DENND5B: variants seen among roughly 807,000 people sequenced by gnomAD.
DENND5B encodes the protein DENN domain-containing protein 5B.
A neutral mutation model predicts 140.6 loss-of-function variants in DENND5B; 34 were observed. That is an observed-to-expected ratio of 0.24 (90% CI 0.18 to 0.32). The LOEUF (loss-of-function observed/expected upper bound fraction) is 0.32. Among genes scored for constraint, DENND5B ranks in the 10% least tolerant of loss-of-function variants. The probability of loss-of-function intolerance (pLI) is 1.00; values close to 1 mark genes in which losing one functional copy is unlikely to be tolerated. For missense variants in DENND5B, 1,142 were observed against 1,560.2 expected (o/e 0.73, Z 4.52); for synonymous variants, 551 against 562.1 (o/e 0.98, Z 0.28).
intron 1 of DENND5B, among the ~76,000 whole-genome samples, chr12:31,508,535 G>C (rs986781970): frequency 1.3e-5 from 2 of 152,092 alleles, no homozygotes; most frequent in Non-Finnish European, 2.9e-5. Context: ...TGAGCAAACT[G>C]GGCTAAATAT....
chr12:31,569,655 C>CA lies in DENND5B; in HGVS notation c.127+21050dup, dbSNP rs544703795. ...GAACCCTGTCTCTATTAAAAACACA[C>CA]AAAAAAATTAGCCGAGTATGGTGGT... On this transcript the variant is annotated intron_variant, in intron 1 of 20. Transcript: ENST00000389082. 1.8e-4 allele frequency among the ~76,000 whole-genome samples: 27 copies of CA among 151,828 alleles called. No homozygotes were observed. The East Asian group carries it at 5.1e-3, about 29-fold the overall frequency.
At chr12:31,483,865 C>CTTTT (rs200066618) in intron 2 of DENND5B, among the ~76,000 whole-genome samples, 13 of 129,404 alleles carry the variant, frequency 1.0e-4, no homozygotes, top group South Asian at 1.0e-3. Context: ...CTTTTCTTTT[C>CTTTT]TTTTTTTTTT....
chr12:31,453,607 T>C (rs1031271887), intron 4 of DENND5B, among the ~76,000 whole-genome samples: 1 of 152,040 alleles, frequency 6.6e-6, no homozygotes, highest in Non-Finnish European at 1.5e-5. Flanking sequence ...TGGTTGAACA[T>C]AAGACATGGG....
chr12:31,402,708 T>C (rs1037222355), intron 14 of DENND5B, 65 bp from the exon 15 acceptor site: 18 of 1,497,602 alleles, frequency 1.2e-5, no homozygotes, highest in Middle Eastern at 1.8e-4. Flanking sequence ...ACAAAACATA[T>C]ATTAAGAACT....
intron 1 of DENND5B, chr12:31,499,548 C>T: frequency 2.3e-6 from 3 of 1,319,572 alleles, no homozygotes; most frequent in Non-Finnish European, 3.0e-6. Flanking sequence ...AATGGGCTTG[C>T]AGTCAATTAA....
rs781436606 is a variant in DENND5B at position 31,399,661 on chromosome 12, T to C, written c.3061A>G (p.Thr1021Ala). ...VMVRNEITGH[T>A]YRFPCGRWLG... ...CCAAGGCCATTTACTTACCTGTATG[T>C]ATGTCCTGTGATTTCATTTCTGACC... The change falls in exon 16 of 21, where the codon ACA becomes GCA. Residue 1021 changes from threonine to alanine, a missense_variant. Around this residue, in one of 5 missense-constraint regions of DENND5B, gnomAD observed 268 missense variants for 349.2 expected, o/e 0.77. Transcript: ENST00000389082. 3.1e-6 allele frequency: 5 copies of C among 1,613,244 alleles called. No individual in the cohort carries two copies. Among genetic ancestry groups the C allele is most frequent in the Non-Finnish European group, 4.2e-6 (5 of 1,179,376 alleles).
intron 1 of DENND5B, among the ~76,000 whole-genome samples, chr12:31,577,758 T>C (rs946128516): frequency 1.3e-5 from 2 of 149,114 alleles, no homozygotes. Context: ...GGTTTCACAG[T>C]TTAAAATCTA....
rs906429336 is a variant in DENND5B, at chr12:31,384,773, T to C, written c.*2830A>G. On this transcript the variant is annotated 3_prime_UTR_variant, in exon 21 of 21. Transcript: ENST00000389082. ...CAACTTTGGCTGCAGTTTTTTTCTTTTTTTTTTTTTGAGACGGAGTCTCGC... is the reference window on the plus strand; with the variant it reads ...CAACTTTGGCTGCAGTTTTTTTCTTCTTTTTTTTTTGAGACGGAGTCTCGC... 6.6e-6 allele frequency: 1 copy of C among 151,722 alleles called. No individual in the cohort carries two copies. The highest frequency in any genetic ancestry group is 2.4e-5 in the African/African-American group (1 of 41,384). 9.4% of individuals were successfully genotyped at this position (151,722 alleles called of 1,614,324 possible).
intron 13 of DENND5B, 41 bp from the exon 14 acceptor site, chr12:31,409,425 GA>G (rs111670680): frequency 0.31 from 316,827 of 1,010,830 alleles, 9,951 homozygotes; most frequent in African/African-American, 0.37. Flanking sequence ...TAGTATCAAA[GA>G]AAAAAAAAAA....
At position 31,560,898 on chromosome 12, in the gene DENND5B, C is replaced by A. The variant is rs186172152; in HGVS notation, c.127+29808G>T. Among the ~76,000 whole-genome samples, 285 of 152,268 alleles carry A rather than the reference C, an allele frequency of 1.9e-3. 2 individuals are homozygous for A. Among genetic ancestry groups the A allele is most frequent in the African/African-American group, 6.5e-3 (269 of 41,554 alleles). Reference sequence around the variant, plus strand: ...ACCTCTCAGTGAGGGCTACCCTGAACACCTTGTTTAATATTGCAACCAGCT... The same window carrying A: ...ACCTCTCAGTGAGGGCTACCCTGAAAACCTTGTTTAATATTGCAACCAGCT... On this transcript the variant is annotated intron_variant, in intron 1 of 20. Transcript: ENST00000389082.
At chr12:31,489,565 A>C (rs1946443216) in intron 2 of DENND5B, among the ~76,000 whole-genome samples, 1 of 152,240 alleles carries the variant, frequency 6.6e-6, no homozygotes. Flanking sequence ...AGGGAAGAGA[A>C]GTATTGTAAG....
chr12:31,462,936 G>A (rs1945085557), intron 3 of DENND5B, among the ~76,000 whole-genome samples: 1 of 151,806 alleles, frequency 6.6e-6, no homozygotes, highest in South Asian at 2.1e-4. Flanking sequence ...TCCAGCCTGG[G>A]CAACAGTGAG....
intron 1 of DENND5B, among the ~76,000 whole-genome samples, chr12:31,552,246 C>T (rs958144809): frequency 1.3e-5 from 2 of 152,060 alleles, no homozygotes; most frequent in Non-Finnish European, 2.9e-5. Flanking sequence ...CCATCAACAC[C>T]TAATTTATAG....
chr12:31,403,602 A>AG (rs1334188951), intron 14 of DENND5B, among the ~76,000 whole-genome samples: 1 of 143,548 alleles, frequency 7.0e-6, no homozygotes, highest in Non-Finnish European at 1.5e-5. Flanking sequence ...CAGAAAAAAA[A>AG]AAGAAAGAAA....
At chr12:31,546,158 T>C (rs1352382145) in intron 1 of DENND5B, among the ~76,000 whole-genome samples, 1 of 151,928 alleles carries the variant, frequency 6.6e-6, no homozygotes. Flanking sequence ...TTAGAAACTA[T>C]ATATATATGC....
chr12:31,466,659 C>T (rs969451238), intron 3 of DENND5B, among the ~76,000 whole-genome samples: 11 of 151,888 alleles, frequency 7.2e-5, no homozygotes, highest in Non-Finnish European at 1.2e-4. Flanking sequence ...CACCACTGTA[C>T]TCCATCCTGG....
At chr12:31,404,956 C>T (rs1289014240) in intron 14 of DENND5B, among the ~76,000 whole-genome samples, 1 of 151,482 alleles carries the variant, frequency 6.6e-6, no homozygotes, top group Non-Finnish European at 1.5e-5. Flanking sequence ...GATGCGGTTT[C>T]ACCATGTTGA....
intron 18 of DENND5B, 84 bp from the exon 19 acceptor site, chr12:31,392,477 T>C (rs777843799): frequency 9.0e-5 from 142 of 1,578,088 alleles, no homozygotes; most frequent in Admixed American, 3.9e-4. Context: ...GTGCTGAAGG[T>C]AGCTATATGA....
chr12:31,454,190 T>C (rs942523662), intron 4 of DENND5B, among the ~76,000 whole-genome samples: 2 of 151,350 alleles, frequency 1.3e-5, no homozygotes, highest in Non-Finnish European at 1.5e-5. Context: ...CAAAGCCAGA[T>C]GATCAACAAT....
Sources: gnomAD v4.1 joint callset for allele counts (sites outside exome capture counted in the v4.1 genomes callset) on GRCh38, gnomAD v4.1.1 for gene constraint, gnomAD v4.1.1 regional missense constraint, MANE v1.5 for transcripts, NCBI Gene and HGNC (gene_info 2026-07-23, HGNC 2026-07-21) for gene names.